The following NRG1 variants were observed in gnomAD, a reference collection of about 807,000 sequenced individuals.
NRG1 encodes the protein pro-neuregulin-1, membrane-bound isoform.
NRG1 carries 18 observed loss-of-function variants against 63.8 expected under a neutral mutation model. That is an observed-to-expected ratio of 0.28 (90% CI 0.19 to 0.42). The LOEUF is 0.42. Ranked by LOEUF, NRG1 falls within the 10% of genes least tolerant of loss-of-function variation. The pLI is 1.00. For missense variants in NRG1, 762 were observed against 814.7 expected (o/e 0.94, Z 0.79); for synonymous variants, 302 against 301.3 (o/e 1.00, Z -0.02).
At chr8:31,941,074 C>G (rs1801673390) in intron 1 of NRG1, among the ~76,000 whole-genome samples, 1 of 27,246 alleles carries the variant, frequency 3.7e-5, no homozygotes, top group South Asian at 7.1e-4. Context: ...ACCCTAATGC[C>G]AAAGCCAGAG....
At chr8:32,588,706 C>A (rs1842041438) in intron 1 of NRG1, among the ~76,000 whole-genome samples, 1 of 152,192 alleles carries the variant, frequency 6.6e-6, no homozygotes, top group Admixed American at 6.5e-5. Context: ...CAGAGTCCAG[C>A]CATCTTAACC....
At chr8:32,290,826 T>C in intron 1 of NRG1, among the ~76,000 whole-genome samples, 1 of 151,556 alleles carries the variant, frequency 6.6e-6, no homozygotes, top group Non-Finnish European at 1.5e-5. Flanking sequence ...AAATTATGAA[T>C]GTCTCTTAAG....
At chr8:32,389,168 C>T (rs1811402327) in intron 1 of NRG1, among the ~76,000 whole-genome samples, 1 of 152,180 alleles carries the variant, frequency 6.6e-6, no homozygotes, top group African/African-American at 2.4e-5. Flanking sequence ...TGAAGAGTCA[C>T]AGGTCCCAGG....
At chr8:32,192,125 C>T (rs186666349) in intron 1 of NRG1, 1 of 152,324 alleles carries the variant, frequency 6.6e-6, no homozygotes, top group East Asian at 1.9e-4. Context: ...CCGAGATCAG[C>T]TGAGATCAAG....
At chr8:32,217,640 G>A (rs1300597960) in intron 1 of NRG1, among the ~76,000 whole-genome samples, 1 of 152,130 alleles carries the variant, frequency 6.6e-6, no homozygotes, top group African/African-American at 2.4e-5. Context: ...AAGAAATCGG[G>A]TGAAAAAGGA....
chr8:32,178,247 T>C (rs1237786495), intron 1 of NRG1, among the ~76,000 whole-genome samples: 1 of 152,122 alleles, frequency 6.6e-6, no homozygotes, highest in Non-Finnish European at 1.5e-5. Flanking sequence ...TAGTCTTCTA[T>C]TTTAGGTTAA....
intron 5 of NRG1, among the ~76,000 whole-genome samples, chr8:32,665,574 A>G (rs962178992): frequency 6.6e-6 from 1 of 152,184 alleles, no homozygotes; most frequent in Non-Finnish European, 1.5e-5. Context: ...TGATGTATGC[A>G]CTATGTTCCA....
intron 1 of NRG1, among the ~76,000 whole-genome samples, chr8:32,399,693 G>C (rs997045609): frequency 1.6e-4 from 25 of 152,292 alleles, no homozygotes; most frequent in African/African-American, 6.0e-4. Context: ...AACAGAGAGA[G>C]ACTTTGTCTC....
At chr8:31,776,238 T>C (rs1451069684) in intron 1 of NRG1, among the ~76,000 whole-genome samples, 2 of 152,180 alleles carry the variant, frequency 1.3e-5, no homozygotes, top group Non-Finnish European at 2.9e-5. Flanking sequence ...GCCATGTCCA[T>C]GCAAAATGAA....
intron 1 of NRG1, among the ~76,000 whole-genome samples, chr8:32,250,523 C>T (rs931381142): frequency 5.3e-5 from 8 of 150,560 alleles, no homozygotes; most frequent in Non-Finnish European, 8.8e-5. Flanking sequence ...ACACTGATAC[C>T]TTCTAGTCTA....
At chr8:32,129,606 A>G (rs984064483) in intron 1 of NRG1, among the ~76,000 whole-genome samples, 1 of 151,972 alleles carries the variant, frequency 6.6e-6, no homozygotes, top group Non-Finnish European at 1.5e-5. Context: ...ACTGGAGGTT[A>G]GGACTTTAAC....
At chr8:32,474,755 C>T (rs997307862) in intron 1 of NRG1, among the ~76,000 whole-genome samples, 10 of 152,020 alleles carry the variant, frequency 6.6e-5, no homozygotes, top group African/African-American at 1.9e-4. Context: ...CTGCCCACCT[C>T]GGCCTCCCAA....
At chr8:32,628,009 G>A (rs780330529) in intron 5 of NRG1, among the ~76,000 whole-genome samples, 39 of 152,236 alleles carry the variant, frequency 2.6e-4, no homozygotes, top group East Asian at 5.8e-4. Flanking sequence ...AGAAATCTAC[G>A]TATTGAATCA....
At chr8:32,746,899 G>T (rs1589560002) in intron 7 of NRG1, among the ~76,000 whole-genome samples, 1 of 135,542 alleles carries the variant, frequency 7.4e-6, no homozygotes, top group South Asian at 2.3e-4. Flanking sequence ...TACAATGAAA[G>T]AAATGTAGCT....
intron 1 of NRG1, among the ~76,000 whole-genome samples, chr8:32,251,453 A>C (rs1849096625): frequency 6.6e-6 from 1 of 152,104 alleles, no homozygotes; most frequent in African/African-American, 2.4e-5. Flanking sequence ...TATCCATTCT[A>C]TCATTGATGG....
intron 1 of NRG1, among the ~76,000 whole-genome samples, chr8:32,348,560 A>T (rs947782657): frequency 2.0e-5 from 3 of 152,176 alleles, no homozygotes; most frequent in African/African-American, 7.2e-5. Flanking sequence ...AATGAACAAC[A>T]TTTATGGTCA....
At chr8:31,816,760 T>C (rs1333916514) in intron 1 of NRG1, among the ~76,000 whole-genome samples, 11 of 152,172 alleles carry the variant, frequency 7.2e-5, no homozygotes, top group Non-Finnish European at 1.6e-4. Flanking sequence ...ACTATTCTAC[T>C]GGGATATCAT....
chr8:31,903,196 TGAAGTG>T, intron 1 of NRG1, among the ~76,000 whole-genome samples: 1 of 139,406 alleles, frequency 7.2e-6, no homozygotes, highest in Non-Finnish European at 1.5e-5. Context: ...TTGCCCAGGC[TGAAGTG>T]CAGTGGCGCA....
intron 1 of NRG1, among the ~76,000 whole-genome samples, chr8:32,389,560 C>T (rs924791556): frequency 3.9e-5 from 6 of 152,112 alleles, no homozygotes; most frequent in Admixed American, 3.9e-4. Context: ...TCTCTTGAAT[C>T]AGTATGTCTC....
Sources: gnomAD v4.1 joint callset for allele counts (sites outside exome capture counted in the v4.1 genomes callset) on GRCh38, gnomAD v4.1.1 for gene constraint, MANE v1.5 for transcripts, NCBI Gene and HGNC (gene_info 2026-07-23, HGNC 2026-07-21) for gene names.